KLHL29: variants seen among roughly 807,000 people sequenced by gnomAD.
The protein encoded by KLHL29 is kelch-like protein 29.
KLHL29 carries 21 observed loss-of-function variants against 80.4 expected under a neutral mutation model. The ratio of observed to expected loss-of-function variants is 0.26; its 90% CI spans 0.19 to 0.38. The LOEUF is 0.38. KLHL29 is among the 10% of genes least tolerant of loss of function. The pLI, the probability that KLHL29 is intolerant of heterozygous loss-of-function variation, is 1.00. For synonymous variants in KLHL29, 511 were observed against 526.8 expected, an observed-to-expected ratio of 0.97 and a Z score of 0.41; for missense variants, 867 against 1,223.9, an observed-to-expected ratio of 0.71 and a Z score of 4.35.
chr2:23,667,973 G>C (rs937624220), intron 5 of KLHL29: 3 of 152,416 alleles, frequency 2.0e-5, no homozygotes, highest in African/African-American at 4.8e-5. Context: ...GAGGGAAGAA[G>C]AACACTGGAT....
intron 2 of KLHL29, among the ~76,000 whole-genome samples, chr2:23,526,793 G>A (rs1354086202): frequency 6.6e-6 from 1 of 152,166 alleles, no homozygotes; most frequent in Non-Finnish European, 1.5e-5. Flanking sequence ...CAGCACCTTG[G>A]TAGCTCGAAA....
chr2:23,631,195 C>T (rs920062528), intron 3 of KLHL29, among the ~76,000 whole-genome samples: 2 of 152,166 alleles, frequency 1.3e-5, no homozygotes, highest in African/African-American at 4.8e-5. Flanking sequence ...TATTCAGCCC[C>T]TCCTACCACC....
chr2:23,499,041 G>T (rs898436924), intron 2 of KLHL29, among the ~76,000 whole-genome samples: 1 of 152,178 alleles, frequency 6.6e-6, no homozygotes, highest in African/African-American at 2.4e-5. Context: ...TAAATATTAG[G>T]CATAGGAGGA....
At chr2:23,643,731 A>AGAC in intron 5 of KLHL29, 1 of 152,406 alleles carries the variant, frequency 6.6e-6, no homozygotes, top group Non-Finnish European at 1.5e-5. Context: ...CAGACAAGCC[A>AGAC]AGTCCCTGCT....
chr2:23,650,009 G>A (rs1272441623), intron 5 of KLHL29, among the ~76,000 whole-genome samples: 1 of 152,220 alleles, frequency 6.6e-6, no homozygotes, highest in African/African-American at 2.4e-5. Flanking sequence ...CACCTCCTGT[G>A]CACAGAGCCC....
chr2:23,552,905 G>A (rs1558385314), intron 2 of KLHL29, among the ~76,000 whole-genome samples: 1 of 151,962 alleles, frequency 6.6e-6, no homozygotes. Context: ...GATTACAGGA[G>A]CCCGTCATCA....
chr2:23,706,856 C>T lies in KLHL29; in HGVS notation c.*192C>T, dbSNP rs543747559. 19 of 513,102 alleles carry T rather than the reference C, an allele frequency of 3.7e-5. No homozygotes were observed. Among genetic ancestry groups the T allele is most frequent in the Non-Finnish European group, 5.3e-5 (16 of 304,280 alleles). 31.8% of individuals were successfully genotyped at this position (513,102 alleles called of 1,614,324 possible). A position where few individuals can be genotyped will look rare whatever the true frequency, so the allele number is the denominator to read the frequency against. Reference sequence around the variant, plus strand: ...TCGCCTTTGGATGAAACGGAGGCACCGCGCTTGGAGCCGCAGGAACCACGA... The same window carrying T: ...TCGCCTTTGGATGAAACGGAGGCACTGCGCTTGGAGCCGCAGGAACCACGA... On this transcript the variant is annotated 3_prime_UTR_variant, in exon 14 of 14. Coordinates refer to ENST00000486442, the MANE Select transcript of KLHL29 (RefSeq NM_052920.2).
chr2:23,673,740 G>A (rs1450829234), intron 5 of KLHL29, among the ~76,000 whole-genome samples: 1 of 149,932 alleles, frequency 6.7e-6, no homozygotes, highest in Non-Finnish European at 1.5e-5. Flanking sequence ...CATACACAGG[G>A]GTGCATGCAC....
intron 1 of KLHL29, among the ~76,000 whole-genome samples, chr2:23,399,422 G>T (rs931231812): frequency 6.6e-6 from 1 of 152,174 alleles, no homozygotes; most frequent in African/African-American, 2.4e-5. Context: ...TAAAAAAATA[G>T]ATTTCCAAAC....
At chr2:23,535,844 C>T (rs774304489) in intron 2 of KLHL29, among the ~76,000 whole-genome samples, 5 of 152,114 alleles carry the variant, frequency 3.3e-5, no homozygotes, top group Non-Finnish European at 7.4e-5. Context: ...GATAGTTACA[C>T]AACATTGAGA....
chr2:23,460,364 A>G (rs935532030), intron 1 of KLHL29, among the ~76,000 whole-genome samples: 1 of 152,048 alleles, frequency 6.6e-6, no homozygotes, highest in Admixed American at 6.6e-5. Context: ...TCCCCATCCT[A>G]GGAGACATTG....
At chr2:23,543,382 C>T (rs905792694) in intron 2 of KLHL29, among the ~76,000 whole-genome samples, 3 of 152,078 alleles carry the variant, frequency 2.0e-5, no homozygotes, top group East Asian at 1.9e-4. Context: ...AGTCCCTCCC[C>T]GGGATGTGCG....
intron 5 of KLHL29, among the ~76,000 whole-genome samples, chr2:23,663,382 C>T (rs113643600): frequency 0.014 from 2,200 of 152,328 alleles, 20 homozygotes; most frequent in Non-Finnish European, 0.023. Context: ...CTGTGCCCGG[C>T]AGGAGAAGGA....
chr2:23,577,851 C>G (rs2103507015), intron 3 of KLHL29, among the ~76,000 whole-genome samples: 1 of 152,124 alleles, frequency 6.6e-6, no homozygotes. Flanking sequence ...GCGGGGGTGG[C>G]TGCCTCCAAG....
Position 23,531,316 on chromosome 2 carries a change from C to G in KLHL29, c.-45-30836C>G, listed in dbSNP as rs141865871. ...TTGCCTGGGACGTTTCAAAAGCAGA[C>G]CACTGCCAACATGGGACCTATTTGG... On this transcript the variant is annotated intron_variant, in intron 2 of 13. Transcript: ENST00000486442. 6.7e-3 allele frequency among the ~76,000 whole-genome samples: 1,015 copies of G among 152,340 alleles called. 16 individuals are homozygous for G. Among genetic ancestry groups the G allele is most frequent in the African/African-American group, 0.024 (977 of 41,572 alleles).
intron 2 of KLHL29, among the ~76,000 whole-genome samples, chr2:23,508,711 C>A (rs1336700895): frequency 6.6e-6 from 1 of 152,262 alleles, no homozygotes; most frequent in Non-Finnish European, 1.5e-5. Context: ...TGTGTCTGTT[C>A]TGTGCAGATT....
intron 1 of KLHL29, among the ~76,000 whole-genome samples, chr2:23,438,588 G>C (rs910162948): frequency 6.7e-6 from 1 of 150,168 alleles, no homozygotes; most frequent in Non-Finnish European, 1.5e-5. Context: ...TTTGTCTTTG[G>C]TTCTGTTTAT....
intron 3 of KLHL29, among the ~76,000 whole-genome samples, chr2:23,608,111 TG>T (rs1668774424): frequency 6.6e-6 from 1 of 152,244 alleles, no homozygotes; most frequent in South Asian, 2.1e-4. Context: ...TGTCACCTTT[TG>T]TTGTCCACAC....
chr2:23,673,093 G>A (rs1241040238), intron 5 of KLHL29, among the ~76,000 whole-genome samples: 1 of 152,144 alleles, frequency 6.6e-6, no homozygotes, highest in Non-Finnish European at 1.5e-5. Flanking sequence ...TCAGATACAG[G>A]TTTGCCTTGA....
Sources: allele counts gnomAD v4.1 joint callset (sites outside exome capture counted in the v4.1 genomes callset), GRCh38; gene constraint gnomAD v4.1.1; transcripts MANE v1.5; gene names NCBI Gene and HGNC (gene_info 2026-07-23, HGNC 2026-07-21).